MARCHF1: variants seen among roughly 807,000 people sequenced by gnomAD.
The protein encoded by MARCHF1 is membrane associated ring-CH-type finger 1, also known as E3 ubiquitin-protein ligase MARCHF1.
MARCHF1 carries 40 observed loss-of-function variants against 54.2 expected under a neutral mutation model. That is an observed-to-expected ratio of 0.74 (90% CI 0.57 to 0.96). The LOEUF (loss-of-function observed/expected upper bound fraction) is 0.96. MARCHF1 is among the 40% of genes least tolerant of loss of function. The pLI, the probability that MARCHF1 is intolerant of heterozygous loss-of-function variation, is 0.00. For synonymous variants in MARCHF1, 236 were observed against 236.3 expected, an observed-to-expected ratio of 1.00 and a Z score of 0.01; for missense variants, 586 against 656.5, an observed-to-expected ratio of 0.89 and a Z score of 1.17.
chr4:164,332,994 C>T (rs1235450291), intron 1 of MARCHF1, among the ~76,000 whole-genome samples: 1 of 151,444 alleles, frequency 6.6e-6, no homozygotes, highest in Non-Finnish European at 1.5e-5. Flanking sequence ...TTCAATTGTT[C>T]TTGTATTTAA....
At chr4:163,743,376 T>A (rs1746263133) in intron 4 of MARCHF1, among the ~76,000 whole-genome samples, 2 of 152,204 alleles carry the variant, frequency 1.3e-5, no homozygotes, top group African/African-American at 4.8e-5. Context: ...ATCTAAAGAT[T>A]GTTTTCAGAT....
intron 1 of MARCHF1, among the ~76,000 whole-genome samples, chr4:164,291,046 A>T (rs1159786063): frequency 6.6e-6 from 1 of 151,968 alleles, no homozygotes; most frequent in Admixed American, 6.6e-5. Flanking sequence ...TATTATCTTT[A>T]AGTTGAAATT....
At chr4:163,537,649 C>T (rs1049342903) in intron 9 of MARCHF1, among the ~76,000 whole-genome samples, 5 of 152,176 alleles carry the variant, frequency 3.3e-5, no homozygotes, top group African/African-American at 9.7e-5. Flanking sequence ...ATCTTTACCT[C>T]TCAAGCATTA....
chr4:163,580,502 TGAGAACA>T (rs1740194241), intron 8 of MARCHF1, among the ~76,000 whole-genome samples: 1 of 152,174 alleles, frequency 6.6e-6, no homozygotes, highest in Non-Finnish European at 1.5e-5. Context: ...GCTGATGCTC[TGAGAACA>T]GAGAACAAAG....
At chr4:164,288,749 G>C (rs931853941) in intron 1 of MARCHF1, among the ~76,000 whole-genome samples, 1 of 152,000 alleles carries the variant, frequency 6.6e-6, no homozygotes, top group African/African-American at 2.4e-5. Context: ...CACATTTCTA[G>C]AGACCTACTC....
chr4:164,078,918 A>AT (rs1466855152), intron 2 of MARCHF1, among the ~76,000 whole-genome samples: 1 of 151,276 alleles, frequency 6.6e-6, no homozygotes, highest in Non-Finnish European at 1.5e-5. Flanking sequence ...TTAAAGTATA[A>AT]TAAAAAAAAA....
At position 163,677,803 on chromosome 4, in the gene MARCHF1, A is replaced by G. The variant is rs1219580730; in HGVS notation, c.162+23010T>C. 2.0e-5 allele frequency among the ~76,000 whole-genome samples: 3 copies of G among 152,324 alleles called. No homozygotes were observed. In the East Asian group the frequency reaches 5.8e-4, roughly 29 times the overall value. On this transcript the variant is annotated intron_variant, in intron 5 of 9. Coordinates refer to ENST00000514618, the MANE Select transcript of MARCHF1 (RefSeq NM_001394959.1). ...TGCTGGACACACACTACATGCCAAC[A>G]TATTACTAAATTAGGCAGCATGGCA...
intron 1 of MARCHF1, among the ~76,000 whole-genome samples, chr4:164,156,354 C>T (rs1424654890): frequency 6.6e-6 from 1 of 152,056 alleles, no homozygotes; most frequent in African/African-American, 2.4e-5. Flanking sequence ...ACTCTGACTT[C>T]AGTAGGAAAA....
chr4:164,224,852 G>C (rs1448644016), intron 1 of MARCHF1, among the ~76,000 whole-genome samples: 2 of 151,976 alleles, frequency 1.3e-5, no homozygotes, highest in African/African-American at 2.4e-5. Flanking sequence ...AAAAAAAGGA[G>C]AAAGAGAAAC....
In MARCHF1 at chr4:163,796,221, G is replaced by GTTGT. The variant is rs1554014060; in HGVS notation, c.111+57799_111+57800insACAA. 1.0e-3 allele frequency among the ~76,000 whole-genome samples: 86 copies of GTTGT among 82,220 alleles called. 4 individuals carry two copies. Among genetic ancestry groups the GTTGT allele is most frequent in the Non-Finnish European group, 1.5e-3 (60 of 40,086 alleles). 53.9% of individuals were successfully genotyped at this position (82,220 alleles called of 152,430 possible). On this transcript the variant is annotated intron_variant, in intron 4 of 9. Coordinates refer to ENST00000514618, the MANE Select transcript of MARCHF1 (RefSeq NM_001394959.1). ...TACTTCCAGAAAAGTGAAACTTCTA[G>GTTGT]TTTTTTTTTTTTTTTTTTTTTTTGA... is the stretch of plus-strand genomic sequence containing the variant.
chr4:163,818,963 G>A (rs938261138), intron 4 of MARCHF1, among the ~76,000 whole-genome samples: 10 of 152,024 alleles, frequency 6.6e-5, no homozygotes, highest in African/African-American at 2.4e-4. Context: ...CTGGCACCAG[G>A]CTCACGGTCT....
At chr4:163,790,756 A>G (rs891407613) in intron 4 of MARCHF1, among the ~76,000 whole-genome samples, 1 of 152,076 alleles carries the variant, frequency 6.6e-6, no homozygotes, top group African/African-American at 2.4e-5. Context: ...CTTCTTAGGC[A>G]TAAGTGGAAT....
chr4:164,252,302 T>C (rs1352919367), intron 1 of MARCHF1, among the ~76,000 whole-genome samples: 4 of 152,068 alleles, frequency 2.6e-5, no homozygotes, highest in Non-Finnish European at 5.9e-5. Context: ...TAAAAATGTG[T>C]AACTATATGT....
chr4:163,710,940 T>G (rs1745088548), intron 4 of MARCHF1, among the ~76,000 whole-genome samples: 1 of 152,126 alleles, frequency 6.6e-6, no homozygotes, highest in African/African-American at 2.4e-5. Context: ...TGAACCTTTA[T>G]AAAGGATGGT....
At chr4:163,719,654 A>C (rs1745380281) in intron 4 of MARCHF1, among the ~76,000 whole-genome samples, 1 of 151,750 alleles carries the variant, frequency 6.6e-6, no homozygotes, top group African/African-American at 2.4e-5. Flanking sequence ...CCAACAGTGT[A>C]AAAGTGTTCC....
chr4:163,716,210 T>G (rs1426287735), intron 4 of MARCHF1, among the ~76,000 whole-genome samples: 1 of 142,582 alleles, frequency 7.0e-6, no homozygotes, highest in Non-Finnish European at 1.6e-5. Context: ...GTAATTCAAT[T>G]TATGTAAACA....
rs1751327897 is a variant in MARCHF1 at position 163,917,179 on chromosome 4, A to G, written c.-38-63010T>C. The stretch of plus-strand genomic sequence containing the variant: ...TCCATGACTTTTCATTGCTTGATGG[A>G]TAATTTCTTTTTAGCAATAACGAAT... On this transcript the variant is annotated intron_variant, in intron 3 of 9. Transcript: ENST00000514618. Among the ~76,000 whole-genome samples, 3 of 152,102 alleles carry G rather than the reference A, an allele frequency of 2.0e-5. 1 individual carries two copies. In the South Asian group the frequency reaches 6.2e-4, roughly 32 times the overall value.
intron 2 of MARCHF1, among the ~76,000 whole-genome samples, chr4:163,994,257 A>AGTGTGTGTGTGTGTGTGTGTGTGT (rs769035806): frequency 1.5e-5 from 2 of 137,030 alleles, no homozygotes; most frequent in Admixed American, 7.5e-5. Context: ...ATAGAGAAAA[A>AGTGTGTGTGTGTGTGTGTGTGTGT]GTGTGTGTGT....
intron 4 of MARCHF1, among the ~76,000 whole-genome samples, chr4:163,731,643 CAGG>C (rs1745834187): frequency 6.6e-6 from 1 of 152,134 alleles, no homozygotes; most frequent in African/African-American, 2.4e-5. Flanking sequence ...CAGAGATCTG[CAGG>C]AGATCTTCAA....
Sources: allele counts gnomAD v4.1 joint callset (sites outside exome capture counted in the v4.1 genomes callset), GRCh38; gene constraint gnomAD v4.1.1; transcripts MANE v1.5; gene names NCBI Gene and HGNC (gene_info 2026-07-23, HGNC 2026-07-21).